DDX19B: variants seen among roughly 807,000 people sequenced by gnomAD.
DDX19B encodes the protein DEAD-box helicase 19B.
DDX19B carries 27 observed loss-of-function variants against 58.1 expected under a neutral mutation model. The ratio of observed to expected loss-of-function variants is 0.46; its 90% CI spans 0.34 to 0.64. The LOEUF is 0.64. Ranked by LOEUF, DDX19B falls within the 30% of genes least tolerant of loss-of-function variation. The pLI is 0.01. For missense variants in DDX19B, 399 were observed against 596.5 expected (o/e 0.67, Z 3.45); for synonymous variants, 187 against 214.4 (o/e 0.87, Z 1.12).
upstream of DDX19B, among the ~76,000 whole-genome samples, chr16:70,295,359 G>C (rs1195029818): frequency 2.0e-5 from 3 of 151,976 alleles, no homozygotes; most frequent in Non-Finnish European, 4.4e-5. Context: ...CTGCAGCCTT[G>C]AACTCCTGGG....
upstream of DDX19B, among the ~76,000 whole-genome samples, chr16:70,293,892 T>C (rs1961125756): frequency 6.6e-6 from 1 of 151,110 alleles, no homozygotes. Context: ...ATTACAGGCG[T>C]GAGCCACCGC....
intron 7 of DDX19B, among the ~76,000 whole-genome samples, chr16:70,327,468 G>A (rs932541709): frequency 6.6e-6 from 1 of 152,092 alleles, no homozygotes; most frequent in African/African-American, 2.4e-5. Flanking sequence ...GGGAGGTGGA[G>A]GTTGCAGTGA....
At chr16:70,311,242 T>C (rs565970110) in intron 1 of DDX19B, among the ~76,000 whole-genome samples, 1 of 150,506 alleles carries the variant, frequency 6.6e-6, no homozygotes, top group East Asian at 2.0e-4. Context: ...TAGCCGGGCG[T>C]GGTGGCGGGC....
intron 1 of DDX19B, among the ~76,000 whole-genome samples, chr16:70,307,583 G>A (rs188960417): frequency 4.6e-5 from 7 of 151,080 alleles, no homozygotes; most frequent in South Asian, 2.1e-4. Context: ...CAGTGCTCTC[G>A]AACTCCTGAG....
chr16:70,331,965 G>C, intron 10 of DDX19B, 81 bp downstream of exon 10: 1 of 1,565,496 alleles, frequency 6.4e-7, no homozygotes, highest in African/African-American at 1.4e-5. Flanking sequence ...TTGTACACAG[G>C]GAAGTCGGAT....
chr16:70,295,517 G>A (rs1961187175), upstream of DDX19B, among the ~76,000 whole-genome samples: 2 of 151,406 alleles, frequency 1.3e-5, no homozygotes, highest in Admixed American at 1.3e-4. Context: ...TTATTTAGTA[G>A]AAGAAAAAAC....
At chr16:70,293,565 T>C (rs1961112056), upstream of DDX19B, among the ~76,000 whole-genome samples, 1 of 150,940 alleles carries the variant, frequency 6.6e-6, no homozygotes, top group South Asian at 2.1e-4. Context: ...AATGCTGGCT[T>C]ATTTGGTACT....
At chr16:70,291,476 G>T (rs1303113485), upstream of DDX19B, among the ~76,000 whole-genome samples, 1 of 152,120 alleles carries the variant, frequency 6.6e-6, no homozygotes, top group African/African-American at 2.4e-5. Context: ...TTGTTACTAG[G>T]ATAGTACCTT....
chr16:70,299,472 G>A, intron 1 of DDX19B, 118 bp downstream of exon 1: 2 of 1,256,528 alleles, frequency 1.6e-6, no homozygotes, highest in Non-Finnish European at 2.1e-6. Context: ...GGGAGGATAG[G>A]GATGGAGCCT....
intron 7 of DDX19B, among the ~76,000 whole-genome samples, chr16:70,327,024 C>T (rs1398644266): frequency 1.4e-4 from 21 of 151,150 alleles, no homozygotes; most frequent in Admixed American, 2.6e-4. Flanking sequence ...TTAGTAGAGA[C>T]GGGGTTTCAC....
At position 70,309,973 on chromosome 16, in the gene DDX19B, G is replaced by A. The variant is rs192227463; in HGVS notation, c.58-2636G>A. Among the ~76,000 whole-genome samples, 60 of 152,094 alleles carry A rather than the reference G, an allele frequency of 3.9e-4. No homozygotes were observed. The East Asian group carries it at 8.5e-3, about 22-fold the overall frequency. On this transcript the variant is annotated intron_variant, in intron 1 of 11. Transcript: ENST00000288071. Reference sequence around the variant, plus strand: ...GGACAACAGAAATGCGGCCTAATGCGTAGTTCACACTTATAATTCTAGCAC... The same window carrying A: ...GGACAACAGAAATGCGGCCTAATGCATAGTTCACACTTATAATTCTAGCAC...
At chr16:70,317,063 C>T (rs1344596694) in intron 4 of DDX19B, among the ~76,000 whole-genome samples, 3 of 151,904 alleles carry the variant, frequency 2.0e-5, no homozygotes, top group African/African-American at 7.3e-5. Context: ...AAAAAATTAG[C>T]AGGGCATGTT....
At chr16:70,290,864 A>G (rs566910075), upstream of DDX19B, among the ~76,000 whole-genome samples, 3 of 152,308 alleles carry the variant, frequency 2.0e-5, no homozygotes, top group South Asian at 6.2e-4. Flanking sequence ...ACAGGATCCA[A>G]ACCTGTGTCT....
intron 1 of DDX19B, among the ~76,000 whole-genome samples, chr16:70,307,954 A>T (rs986883126): frequency 4.7e-5 from 7 of 149,634 alleles, no homozygotes; most frequent in South Asian, 2.1e-4. Context: ...ATTTATTTTT[A>T]TTTATTTATT....
chr16:70,313,890 C>G (rs2152196585), intron 2 of DDX19B, among the ~76,000 whole-genome samples: 1 of 152,122 alleles, frequency 6.6e-6, no homozygotes, highest in African/African-American at 2.4e-5. Flanking sequence ...TGGCGGATAA[C>G]CTGAGGTCAG....
At chr16:70,315,824 A>T in intron 3 of DDX19B, 145 bp from the exon 4 acceptor site, 1 of 1,148,778 alleles carries the variant, frequency 8.7e-7, no homozygotes, top group Non-Finnish European at 1.2e-6. Context: ...AAACTATTTT[A>T]ATTTATAAGT....
chr16:70,328,102 C>T (rs1168430943), intron 7 of DDX19B, among the ~76,000 whole-genome samples: 4 of 151,032 alleles, frequency 2.6e-5, no homozygotes, highest in African/African-American at 2.4e-5. Flanking sequence ...TGCAGTGAGC[C>T]GAGATTGCAC....
At position 70,333,684 on chromosome 16, in the gene DDX19B, C is replaced by G. The variant is rs1058436; in HGVS notation, c.*102C>G. 5.8e-3 allele frequency: 9,113 copies of G among 1,559,148 alleles called. 62 individuals are homozygous for G. Among genetic ancestry groups the G allele is most frequent in the Non-Finnish European group, 6.0e-3 (6,779 of 1,134,566 alleles). ...CGACATCACCCCAAGGACAACGGCA[C>G]AAGTAGAGAGAAACTACCTACCTCA... On this transcript the variant is annotated 3_prime_UTR_variant, in exon 12 of 12. Transcript: ENST00000288071.
At chr16:70,312,316 G>A (rs1230399475) in intron 1 of DDX19B, among the ~76,000 whole-genome samples, 1 of 152,136 alleles carries the variant, frequency 6.6e-6, no homozygotes. Flanking sequence ...TCTACAAAGA[G>A]AGAAAGTTTA....
Sources: gnomAD v4.1 joint callset for allele counts (sites outside exome capture counted in the v4.1 genomes callset) on GRCh38, gnomAD v4.1.1 for gene constraint, MANE v1.5 for transcripts, NCBI Gene and HGNC (gene_info 2026-07-23, HGNC 2026-07-21) for gene names.